ELMO1: variants seen among roughly 807,000 people sequenced by gnomAD.
ELMO1 encodes engulfment and cell motility 1, also known as engulfment and cell motility protein 1.
Under a neutral mutation model 98.9 loss-of-function variants are expected in ELMO1, and 26 were observed. That is an observed-to-expected ratio of 0.26 (90% CI 0.19 to 0.36). ELMO1 has a LOEUF of 0.36. ELMO1 is among the 10% of genes least tolerant of loss of function. ELMO1 has a pLI of 1.00. For missense variants in ELMO1, 627 were observed against 935.2 expected (o/e 0.67, Z 4.30); for synonymous variants, 346 against 346.0 (o/e 1.00, Z 0.00).
chr7:37,344,032 C>CTTTTTT (rs759843000), intron 1 of ELMO1, among the ~76,000 whole-genome samples: 4 of 71,500 alleles, frequency 5.6e-5, no homozygotes, highest in Admixed American at 1.2e-4. Context: ...TAAAAGGCAG[C>CTTTTTT]ATTTTTTTTT....
At chr7:37,035,056 GC>G (rs1315355571) in intron 15 of ELMO1, among the ~76,000 whole-genome samples, 1 of 152,172 alleles carries the variant, frequency 6.6e-6, no homozygotes, top group East Asian at 1.9e-4. Flanking sequence ...CCTGGTGCTT[GC>G]TTCTCTTCCT....
At position 37,179,241 on chromosome 7, in the gene ELMO1, A is replaced by G. The variant is rs577290378; in HGVS notation, c.1086+32145T>C. Among the ~76,000 whole-genome samples, 60 of 152,180 alleles carry G rather than the reference A, an allele frequency of 3.9e-4. 1 individual carries two copies. In the South Asian group the frequency reaches 6.4e-3, roughly 16 times the overall value. ...GGGGAATTTTGTTCATGTGGCTTAA[A>G]AGTAATCCAAATTTAATCTGAATGT... On this transcript the variant is annotated intron_variant, in intron 13 of 21. Coordinates refer to ENST00000310758, the MANE Select transcript of ELMO1 (RefSeq NM_014800.11).
chr7:37,406,428 A>AC (rs1803766290), intron 1 of ELMO1, among the ~76,000 whole-genome samples: 2 of 141,500 alleles, frequency 1.4e-5, no homozygotes, highest in South Asian at 2.2e-4. Context: ...TGAGGAAGTA[A>AC]GAAAATTTTT....
intron 15 of ELMO1, among the ~76,000 whole-genome samples, chr7:37,090,472 T>G (rs190403190): frequency 1.4e-3 from 211 of 152,372 alleles, no homozygotes; most frequent in African/African-American, 4.5e-3. Context: ...CAAATACTTG[T>G]GATCTGACAA....
At chr7:37,408,165 G>C (rs2131486202) in intron 1 of ELMO1, among the ~76,000 whole-genome samples, 1 of 152,248 alleles carries the variant, frequency 6.6e-6, no homozygotes, top group East Asian at 1.9e-4. Flanking sequence ...CATGCAGCAA[G>C]GGTTCAATAA....
At chr7:36,873,700 C>T (rs1168565904) in intron 19 of ELMO1, among the ~76,000 whole-genome samples, 2 of 152,232 alleles carry the variant, frequency 1.3e-5, no homozygotes, top group Non-Finnish European at 2.9e-5. Flanking sequence ...GCCAGCCCCC[C>T]AAATCATGCT....
chr7:37,342,921 A>C lies in ELMO1; in HGVS notation c.-73-158T>G. 1 of 465,230 alleles carries C rather than the reference A, an allele frequency of 2.1e-6. No homozygotes were observed. Among genetic ancestry groups the C allele is most frequent in the East Asian group, 3.8e-5 (1 of 26,234 alleles). The allele number at this position is 465,230 out of a possible 1,614,324, so 28.8% of individuals were successfully genotyped here. On this transcript the variant is annotated intron_variant, in intron 1 of 21. Coordinates refer to ENST00000310758, the MANE Select transcript of ELMO1 (RefSeq NM_014800.11). The surrounding 1 kb of genome is among the most constrained non-coding windows in gnomAD (Gnocchi z 4.3). Reference sequence around the variant, plus strand: ...GGTGCAGGGGCACAGCCAACGGTACAATGGGCTCCTGAGGAAAGAAGAAAG... The same window carrying C: ...GGTGCAGGGGCACAGCCAACGGTACCATGGGCTCCTGAGGAAAGAAGAAAG...
intron 13 of ELMO1, among the ~76,000 whole-genome samples, chr7:37,184,352 A>C (rs1791065830): frequency 6.6e-6 from 1 of 152,166 alleles, no homozygotes; most frequent in Non-Finnish European, 1.5e-5. Flanking sequence ...GGCTCCATGC[A>C]TGTGTGGTTC....
intron 16 of ELMO1, among the ~76,000 whole-genome samples, chr7:36,959,666 C>CA (rs1379686852): frequency 6.6e-6 from 1 of 152,104 alleles, no homozygotes; most frequent in Non-Finnish European, 1.5e-5. Context: ...AATCTCTTTT[C>CA]AAAAAGTTTC....
chr7:37,021,794 A>G (rs1794283333), intron 15 of ELMO1, among the ~76,000 whole-genome samples: 1 of 152,164 alleles, frequency 6.6e-6, no homozygotes, highest in Non-Finnish European at 1.5e-5. Context: ...GTCAGTCGTT[A>G]CTAGTTTTAA....
At position 36,870,127 on chromosome 7, in the gene ELMO1, T is replaced by C. The variant is rs1029042751; in HGVS notation, c.1905+266A>G. 1.3e-5 allele frequency among the ~76,000 whole-genome samples: 2 copies of C among 151,610 alleles called. No individual in the cohort carries two copies. The highest frequency in any genetic ancestry group is 6.6e-5 in the Admixed American group (1 of 15,248). On this transcript the variant is annotated intron_variant, in intron 20 of 21. Coordinates refer to ENST00000310758, the MANE Select transcript of ELMO1 (RefSeq NM_014800.11). This position sits in a 1 kb window ranked among gnomAD's most constrained non-coding sequence, Gnocchi z 4.4. ...GGCTCAAGAGAGGACAAAGTGACAATAGTGAGGGCAATTCTTAGGGTTGGA... is the reference window on the plus strand; with the variant it reads ...GGCTCAAGAGAGGACAAAGTGACAACAGTGAGGGCAATTCTTAGGGTTGGA...
At chr7:36,883,312 G>A (rs1203346716) in intron 18 of ELMO1, among the ~76,000 whole-genome samples, 8 of 152,230 alleles carry the variant, frequency 5.3e-5, no homozygotes, top group African/African-American at 1.9e-4. Context: ...TTCAATGCAA[G>A]TGATTCTGAA....
At chr7:37,244,211 A>T in intron 7 of ELMO1, 145 bp downstream of exon 7, 1 of 899,526 alleles carries the variant, frequency 1.1e-6, no homozygotes, top group Admixed American at 3.0e-5. Context: ...ATAAAAGAAC[A>T]TCAAATAGAA....
chr7:37,130,360 C>A (rs1172354593), intron 14 of ELMO1, among the ~76,000 whole-genome samples: 1 of 152,144 alleles, frequency 6.6e-6, no homozygotes, highest in Non-Finnish European at 1.5e-5. Flanking sequence ...GGGACTGAGA[C>A]AAGCAAAGGT....
chr7:36,907,151 C>CAA (rs200163255), intron 16 of ELMO1, among the ~76,000 whole-genome samples: 3 of 144,948 alleles, frequency 2.1e-5, no homozygotes, highest in African/African-American at 7.5e-5. Flanking sequence ...TATGTGCAAA[C>CAA]AAAAAAAAAA....
intron 13 of ELMO1, among the ~76,000 whole-genome samples, chr7:37,140,364 C>T (rs748128654): frequency 4.6e-5 from 7 of 151,068 alleles, no homozygotes; most frequent in South Asian, 2.1e-4. Flanking sequence ...CCAGCCTGGG[C>T]GACAGAGTGA....
At position 37,133,195 on chromosome 7, in the gene ELMO1, G is replaced by C. The variant is rs1242758544; in HGVS notation, c.1126C>G (p.Pro376Ala). ...NPAMDFTQTPPGMLALDNMLY... is the reference protein window; with the variant it reads ...NPAMDFTQTPAGMLALDNMLY... ...ATGTTGTCCAGAGCCAACATCCCAG[G>C]TGGAGTCTGCGTGAAGTCCATGGCA... Residue 376 changes from proline to alanine, a missense_variant, in exon 14 of 22, where the codon CCT becomes GCT. Transcript: ENST00000310758. 6.2e-7 allele frequency: 1 copy of C among 1,612,674 alleles called. No homozygotes were observed. Among genetic ancestry groups the C allele is most frequent in the Non-Finnish European group, 8.5e-7 (1 of 1,179,468 alleles).
At chr7:37,320,414 A>T (rs1206292696) in intron 2 of ELMO1, among the ~76,000 whole-genome samples, 2 of 151,990 alleles carry the variant, frequency 1.3e-5, no homozygotes, top group Non-Finnish European at 2.9e-5. Context: ...AAAAACAAAC[A>T]AACAAAAAAA....
At chr7:37,439,778 G>C (rs1805315700) in intron 1 of ELMO1, among the ~76,000 whole-genome samples, 1 of 152,216 alleles carries the variant, frequency 6.6e-6, no homozygotes, top group African/African-American at 2.4e-5. Flanking sequence ...TGAGAAAGTA[G>C]TTCTAATGAG....
Sources: allele counts gnomAD v4.1 joint callset (sites outside exome capture counted in the v4.1 genomes callset), GRCh38; gene constraint gnomAD v4.1.1; non-coding constraint Gnocchi (gnomAD v3.1); transcripts MANE v1.5; gene names NCBI Gene and HGNC (gene_info 2026-07-23, HGNC 2026-07-21).